The following SNRK variants were observed in gnomAD, a reference collection of about 807,000 sequenced individuals.
SNRK encodes SNF related kinase.
In SNRK, 3 loss-of-function variants were observed where a neutral mutation model predicts 48.2. The ratio of observed to expected loss-of-function variants is 0.06; its 90% CI spans 0.03 to 0.16. The LOEUF (loss-of-function observed/expected upper bound fraction) is 0.16, where lower values mean the gene tolerates loss of function less well. Ranked by LOEUF, SNRK falls within the 10% of genes least tolerant of loss-of-function variation. SNRK has a pLI of 1.00. For synonymous variants in SNRK, 376 were observed against 366.1 expected, an observed-to-expected ratio of 1.03 and a Z score of -0.31; for missense variants, 627 against 976.0, an observed-to-expected ratio of 0.64 and a Z score of 4.76.
chr3:43,343,928 C>T (rs1454593115), intron 6 of SNRK, among the ~76,000 whole-genome samples: 5 of 152,026 alleles, frequency 3.3e-5, no homozygotes, highest in Admixed American at 6.6e-5. Context: ...TCAGGATTTC[C>T]GGGATTGGAT....
In SNRK at chr3:43,347,351, A is replaced by G. The variant is rs1366172628; in HGVS notation, c.1092A>G (p.Pro364=). 6.4e-7 allele frequency: 1 copy of G among 1,568,536 alleles called. No homozygotes were observed. The highest frequency in any genetic ancestry group is 1.4e-5 in the African/African-American group (1 of 73,334). ...ATCTGTTACATAGGCAGTCATGGCC[A>G]ACCAAAATTGATGTACCCCAGGACC... ...NIKAQFRQSW[P]TKIDVPQDLE... The change falls in exon 7 of 7, where the codon CCA becomes CCG. Residue 364 remains proline, a synonymous_variant. Transcript: ENST00000296088. This position sits in a 1 kb window ranked among gnomAD's most constrained non-coding sequence, Gnocchi z 5.4.
At chr3:43,333,628 T>C (rs2091165257) in intron 4 of SNRK, among the ~76,000 whole-genome samples, 1 of 152,124 alleles carries the variant, frequency 6.6e-6, no homozygotes. Flanking sequence ...GGGCATACGT[T>C]GTCTGCATGT....
intron 3 of SNRK, among the ~76,000 whole-genome samples, chr3:43,327,338 G>A (rs151241230): frequency 2.4e-4 from 37 of 152,328 alleles, no homozygotes; most frequent in African/African-American, 7.7e-4. Flanking sequence ...CTACATTAGT[G>A]TTAGGTCATA....
In SNRK at chr3:43,348,546, C is replaced by T. The variant is rs1405686320; in HGVS notation, c.2287C>T (p.His763Tyr). The change falls in exon 7 of 7, where the codon CAT becomes TAT. Residue 763 changes from histidine (H) to tyrosine (Y), a missense_variant. This residue lies in a region of SNRK where 207 missense variants were observed against 234.3 expected (regional missense o/e 0.88). Coordinates refer to ENST00000296088, the MANE Select transcript of SNRK (RefSeq NM_017719.5). ...LCASSPASCC[H>Y]VI is the part of the protein sequence containing the mutation. ...CGCATCCAGCCCAGCCAGCTGTTGCCATGTCATCTGACTGTGGCCCCATCT... is the reference window on the plus strand; with the variant it reads ...CGCATCCAGCCCAGCCAGCTGTTGCTATGTCATCTGACTGTGGCCCCATCT... The T allele has an allele frequency of 6.5e-7, 1 of 1,536,170 alleles. No homozygotes were observed. Among genetic ancestry groups the T allele is most frequent in the South Asian group, 1.3e-5 (1 of 77,150 alleles).
chr3:43,301,215 T>G (rs2090895577), intron 2 of SNRK, among the ~76,000 whole-genome samples: 1 of 152,190 alleles, frequency 6.6e-6, no homozygotes, highest in Non-Finnish European at 1.5e-5. Flanking sequence ...ATACATAAAT[T>G]TTTTGAGGGG....
chr3:43,309,271 C>G (rs1000712496), intron 3 of SNRK, among the ~76,000 whole-genome samples: 14 of 152,014 alleles, frequency 9.2e-5, no homozygotes, highest in Admixed American at 7.2e-4. Context: ...GAAATGACAA[C>G]AAAGGATTTA....
Position 43,347,758 on chromosome 3 carries a change from A to G in SNRK, c.1499A>G (p.Asp500Gly). The change falls in exon 7 of 7, where the codon GAC (aspartate) becomes GGC (glycine). Residue 500 changes from aspartate to glycine, a missense_variant. Transcript: ENST00000296088. The surrounding 1 kb of genome is among the most constrained non-coding windows in gnomAD (Gnocchi z 5.4). ...GAAGGGGAATCTGACGATGAGTTTGACATGGATGAGAATCTGCCTCCCAAG... is the reference window on the plus strand; with the variant it reads ...GAAGGGGAATCTGACGATGAGTTTGGCATGGATGAGAATCTGCCTCCCAAG... ...FEEGESDDEF[D>G]MDENLPPKLS... 1 of 1,614,160 alleles carries G rather than the reference A, an allele frequency of 6.2e-7. No individual in the cohort carries two copies. The highest frequency in any genetic ancestry group is 8.5e-7 in the Non-Finnish European group (1 of 1,180,036).
At chr3:43,288,653 T>A (rs1314429957) in intron 1 of SNRK, among the ~76,000 whole-genome samples, 2 of 152,172 alleles carry the variant, frequency 1.3e-5, no homozygotes, top group African/African-American at 4.8e-5. Context: ...AAATAAGACA[T>A]GATTTCTTCC....
intron 3 of SNRK, among the ~76,000 whole-genome samples, chr3:43,325,253 C>T (rs1030397121): frequency 1.3e-5 from 2 of 152,218 alleles, no homozygotes; most frequent in African/African-American, 4.8e-5. Flanking sequence ...GCAAGCTCTG[C>T]CTCCCGGGTT....
intron 3 of SNRK, among the ~76,000 whole-genome samples, chr3:43,304,930 G>T (rs2090925798): frequency 6.6e-6 from 1 of 151,970 alleles, no homozygotes; most frequent in African/African-American, 2.4e-5. Flanking sequence ...ATATCTGAGC[G>T]GAGATTTTTG....
chr3:43,304,011 A>C (rs1332954037), intron 3 of SNRK, among the ~76,000 whole-genome samples: 1 of 152,238 alleles, frequency 6.6e-6, no homozygotes. Context: ...AGTACAAAGG[A>C]AAATGAGTAA....
rs1327485876 is a variant in SNRK, at chr3:43,337,419, T to C, written c.732-2868T>C. ...ATTTAACAAAATTTATAGCTTATTCTTATTTTTTGGAGGGTGTCGGGGGAA... is the reference window on the plus strand; with the variant it reads ...ATTTAACAAAATTTATAGCTTATTCCTATTTTTTGGAGGGTGTCGGGGGAA... On this transcript the variant is annotated intron_variant, in intron 4 of 6. Coordinates refer to ENST00000296088, the MANE Select transcript of SNRK (RefSeq NM_017719.5). Among the ~76,000 whole-genome samples, 5 of 152,212 alleles carry C rather than the reference T, an allele frequency of 3.3e-5. No individual in the cohort carries two copies. The East Asian group carries it at 7.7e-4, about 24-fold the overall frequency.
At chr3:43,328,474 G>C (rs911824586) in intron 3 of SNRK, among the ~76,000 whole-genome samples, 2 of 152,080 alleles carry the variant, frequency 1.3e-5, no homozygotes, top group African/African-American at 4.8e-5. Flanking sequence ...GGGTTCAAGT[G>C]ATCCTCCCAC....
In SNRK at chr3:43,305,731, C is replaced by T. The variant is rs146752411; in HGVS notation, c.589+1939C>T. Among the ~76,000 whole-genome samples the T allele has an allele frequency of 5.6e-3, 855 of 152,052 alleles. 8 individuals are homozygous for T. The highest frequency in any genetic ancestry group is 0.02 in the African/African-American group (823 of 41,496). The stretch of plus-strand genomic sequence containing the variant: ...TGATCTCCTGACCTCGTGATCCACC[C>T]GCCTCAGCCTCCCAAAGTGCTGGGA... On this transcript the variant is annotated intron_variant, in intron 3 of 6. Transcript: ENST00000296088.
rs540678895 is a variant in SNRK at position 43,294,504 on chromosome 3, C to T, written c.-168-5250C>T. ...TTGGTCACATGAGGGTTTTTTTTAA[C>T]TTGTGGTGTCTTGTTGGCACTGAAA... On this transcript the variant is annotated intron_variant, in intron 1 of 6. Transcript: ENST00000296088. Among the ~76,000 whole-genome samples, 3 of 152,074 alleles carry T rather than the reference C, an allele frequency of 2.0e-5. No homozygotes were observed. The East Asian group carries it at 5.8e-4, about 29-fold the overall frequency.
intron 3 of SNRK, among the ~76,000 whole-genome samples, chr3:43,312,276 T>C (rs1464772029): frequency 6.6e-6 from 1 of 152,210 alleles, no homozygotes; most frequent in African/African-American, 2.4e-5. Context: ...AGATTAAGTC[T>C]TGAATATAAA....
intron 3 of SNRK, among the ~76,000 whole-genome samples, chr3:43,312,702 T>C (rs1245550022): frequency 6.6e-6 from 1 of 152,178 alleles, no homozygotes; most frequent in East Asian, 1.9e-4. Context: ...ATAGACAATC[T>C]CATGGAATCC....
intron 5 of SNRK, among the ~76,000 whole-genome samples, chr3:43,342,232 G>A (rs1261567881): frequency 6.6e-6 from 1 of 152,136 alleles, no homozygotes; most frequent in Non-Finnish European, 1.5e-5. Flanking sequence ...CCAGTTTGTT[G>A]GTTTCCCGAT....
intron 2 of SNRK, among the ~76,000 whole-genome samples, chr3:43,301,274 A>C (rs1217962991): frequency 6.6e-6 from 1 of 152,230 alleles, no homozygotes; most frequent in African/African-American, 2.4e-5. Flanking sequence ...TAAATATAAA[A>C]GTGACTTTAT....
Sources: allele counts gnomAD v4.1 joint callset (sites outside exome capture counted in the v4.1 genomes callset), GRCh38; gene constraint gnomAD v4.1.1; regional missense constraint gnomAD v4.1.1; non-coding constraint Gnocchi (gnomAD v3.1); transcripts MANE v1.5; gene names NCBI Gene and HGNC (gene_info 2026-07-23, HGNC 2026-07-21).